KDM1B: variants seen among roughly 807,000 people sequenced by gnomAD.
KDM1B encodes lysine-specific histone demethylase 2.
In KDM1B, 63 loss-of-function variants were observed where a neutral mutation model predicts 107.4. The observed-to-expected ratio is 0.59, with a 90% CI of 0.48 to 0.72. The LOEUF (loss-of-function observed/expected upper bound fraction) is 0.72, where lower values mean the gene tolerates loss of function less well. Ranked by LOEUF, KDM1B falls within the 30% of genes least tolerant of loss-of-function variation. The pLI is 0.00. For synonymous variants in KDM1B, 363 were observed against 363.9 expected, an observed-to-expected ratio of 1.00 and a Z score of 0.03; for missense variants, 749 against 1,020.8, an observed-to-expected ratio of 0.73 and a Z score of 3.63.
Position 18,204,736 on chromosome 6 carries a change from CAG to C in KDM1B, c.1532-800_1532-799del, listed in dbSNP as rs1016729384. Among the ~76,000 whole-genome samples, 6 of 152,182 alleles carry C rather than the reference CAG, an allele frequency of 3.9e-5. No homozygotes were observed. The highest frequency in any genetic ancestry group is 4.1e-4 in the South Asian group (2 of 4,824). On this transcript the variant is annotated intron_variant, in intron 14 of 21. Coordinates refer to ENST00000650836, the MANE Select transcript of KDM1B (RefSeq NM_001364614.2). The surrounding 1 kb of genome is among the most constrained non-coding windows in gnomAD (Gnocchi z 4.9). ...GATAAGTAAGGGCTGGAGTTGATGA[CAG>C]GGAGAAATTCTGGGGGCTTGCCACG... is the stretch of plus-strand genomic sequence containing the variant.
At chr6:18,218,921 G>T (rs894898900) in intron 21 of KDM1B, among the ~76,000 whole-genome samples, 2 of 151,214 alleles carry the variant, frequency 1.3e-5, no homozygotes, top group Non-Finnish European at 1.5e-5. Flanking sequence ...TTATTTTTTT[G>T]AGACGGAGTC....
At chr6:18,182,797 C>A (rs1043351575) in intron 7 of KDM1B, among the ~76,000 whole-genome samples, 3 of 152,126 alleles carry the variant, frequency 2.0e-5, no homozygotes, top group Admixed American at 1.3e-4. Flanking sequence ...TCCCAAAGTG[C>A]TGGGATCACA....
At chr6:18,165,644 G>A (rs968803449) in intron 5 of KDM1B, among the ~76,000 whole-genome samples, 7 of 151,992 alleles carry the variant, frequency 4.6e-5, no homozygotes, top group Non-Finnish European at 8.8e-5. Context: ...CCAACATGAC[G>A]AAACCCCATC....
intron 6 of KDM1B, 53 bp from the exon 7 acceptor site, chr6:18,171,310 G>C: frequency 1.1e-6 from 1 of 895,928 alleles, no homozygotes; most frequent in Non-Finnish European, 1.9e-6. Flanking sequence ...GGATAGAAAT[G>C]GTAACTGAAG....
At chr6:18,195,689 T>G (rs1466127966) in intron 10 of KDM1B, among the ~76,000 whole-genome samples, 7 of 142,152 alleles carry the variant, frequency 4.9e-5, no homozygotes, top group African/African-American at 1.6e-4. Context: ...GAGCCGAGAT[T>G]GTGCCACTGC....
intron 21 of KDM1B, among the ~76,000 whole-genome samples, chr6:18,221,018 T>G (rs748967920): frequency 9.9e-5 from 15 of 151,912 alleles, no homozygotes; most frequent in Non-Finnish European, 2.2e-4. Flanking sequence ...GTGTTGGGAT[T>G]ACATGCGTGA....
In KDM1B at chr6:18,159,727, G is replaced by T. The variant is rs1784846434; in HGVS notation, c.-13-156G>T. 1.3e-5 allele frequency among the ~76,000 whole-genome samples: 2 copies of T among 152,140 alleles called. No homozygotes were observed. The highest frequency in any genetic ancestry group is 6.5e-5 in the Admixed American group (1 of 15,274). On this transcript the variant is annotated intron_variant, in intron 2 of 21. Coordinates refer to ENST00000650836, the MANE Select transcript of KDM1B (RefSeq NM_001364614.2). The surrounding 1 kb of genome is among the most constrained non-coding windows in gnomAD (Gnocchi z 4.5). ...GTTCCAGGCTAGCCTGGGCAACATG[G>T]CAAGAATGTCTCAAAAGAAAAGAAA...
intron 7 of KDM1B, among the ~76,000 whole-genome samples, chr6:18,183,730 A>G (rs867378903): frequency 3.3e-5 from 5 of 152,022 alleles, no homozygotes; most frequent in Non-Finnish European, 7.4e-5. Context: ...GGTTTTGGAG[A>G]TGCATCCATG....
In KDM1B at chr6:18,200,323, T is replaced by C; in HGVS notation, c.1222-116T>C. On this transcript the variant is annotated intron_variant, in intron 12 of 21. Coordinates refer to ENST00000650836, the MANE Select transcript of KDM1B (RefSeq NM_001364614.2). This position sits in a 1 kb window ranked among gnomAD's most constrained non-coding sequence, Gnocchi z 4.3. Reference sequence around the variant, plus strand: ...TTTTAAAGTTGTTTTTTTAGAAATATTTGGAATTAACCAAATATAGAGGCT... The same window carrying C: ...TTTTAAAGTTGTTTTTTTAGAAATACTTGGAATTAACCAAATATAGAGGCT... 9.5e-7 allele frequency: 1 copy of C among 1,053,608 alleles called. No individual in the cohort carries two copies. Among genetic ancestry groups the C allele is most frequent in the East Asian group, 2.5e-5 (1 of 40,192 alleles). 65.3% of individuals were successfully genotyped at this position (1,053,608 alleles called of 1,614,324 possible). A position where few individuals can be genotyped will look rare whatever the true frequency, so the allele number is the denominator to read the frequency against.
chr6:18,188,274 T>C (rs1787017224), intron 9 of KDM1B, among the ~76,000 whole-genome samples: 1 of 152,198 alleles, frequency 6.6e-6, no homozygotes, highest in Middle Eastern at 3.2e-3. Context: ...ACCTATGATA[T>C]AAAGCCCCTC....
rs1245223616 is a variant in KDM1B at position 18,200,962 on chromosome 6, CATACTT to C, written c.1359+394_1359+399del. 1.3e-5 allele frequency among the ~76,000 whole-genome samples: 2 copies of C among 152,106 alleles called. No individual in the cohort carries two copies. Among genetic ancestry groups the C allele is most frequent in the African/African-American group, 4.8e-5 (2 of 41,422 alleles). ...GATATTTTACATGCAATATTTGGGA[CATACTT>C]ATACTTAAAAAAATTATGTATTACT... On this transcript the variant is annotated intron_variant, in intron 13 of 21. Transcript: ENST00000650836. This position sits in a 1 kb window ranked among gnomAD's most constrained non-coding sequence, Gnocchi z 4.3.
intron 21 of KDM1B, among the ~76,000 whole-genome samples, chr6:18,219,180 G>A (rs1020403619): frequency 6.6e-6 from 1 of 152,174 alleles, no homozygotes; most frequent in African/African-American, 2.4e-5. Context: ...GGGATTACAG[G>A]TGTGAGCCAC....
At chr6:18,208,595 A>ATG (rs1554149784) in intron 17 of KDM1B, among the ~76,000 whole-genome samples, 1 of 56,102 alleles carries the variant, frequency 1.8e-5, no homozygotes, top group Non-Finnish European at 3.4e-5. Context: ...AAATAGAAGT[A>ATG]TGTGTATGTA....
rs1785730666 is a variant in KDM1B, at chr6:18,172,609, C to T, written c.534+1130C>T. The stretch of plus-strand genomic sequence containing the variant: ...CCAAAATCCAAAACACTTCTGGTCC[C>T]AAGCATTTCAAATAAGAGAAATTCA... On this transcript the variant is annotated intron_variant, in intron 7 of 21. Coordinates refer to ENST00000650836, the MANE Select transcript of KDM1B (RefSeq NM_001364614.2). The surrounding 1 kb of genome is among the most constrained non-coding windows in gnomAD (Gnocchi z 5.2). Among the ~76,000 whole-genome samples, 1 of 152,100 alleles carries T rather than the reference C, an allele frequency of 6.6e-6. No homozygotes were observed. The highest frequency in any genetic ancestry group is 1.5e-5 in the Non-Finnish European group (1 of 68,026).
intron 6 of KDM1B, among the ~76,000 whole-genome samples, chr6:18,170,734 C>T (rs12153968): frequency 6.6e-6 from 1 of 152,174 alleles, no homozygotes; most frequent in Non-Finnish European, 1.5e-5. Flanking sequence ...CCTGCCTCAG[C>T]CTCCTAAAGT....
rs1171066329 is a variant in KDM1B, at chr6:18,213,706, T to A, written c.2034T>A (p.Ala678=). 6.2e-7 allele frequency: 1 copy of A among 1,614,182 alleles called. No homozygotes were observed. ...YRFWDSKVQG[A]DFFGHVPPSA... is the part of the protein sequence containing the mutation. ...TTTGGGACAGTAAAGTACAAGGGGC[T>A]GACTTTTTTGGTCACGTTCCTCCCA... is the stretch of plus-strand genomic sequence containing the variant. The change falls in exon 19 of 22, where the codon GCT becomes GCA. Residue 678 remains alanine, a synonymous_variant. Coordinates refer to ENST00000650836, the MANE Select transcript of KDM1B (RefSeq NM_001364614.2). The surrounding 1 kb of genome is among the most constrained non-coding windows in gnomAD (Gnocchi z 5.9).
chr6:18,199,400 C>T (rs1787887135), intron 12 of KDM1B, among the ~76,000 whole-genome samples: 1 of 152,200 alleles, frequency 6.6e-6, no homozygotes. Flanking sequence ...ATAGATTCCT[C>T]TGAGTAGCCT....
At chr6:18,166,419 A>G (rs1326015921) in intron 6 of KDM1B, 41 bp downstream of exon 6, 2 of 1,156,176 alleles carry the variant, frequency 1.7e-6, no homozygotes, top group African/African-American at 1.5e-5. Context: ...GTATTTGTGG[A>G]GCCAAATGCA....
In KDM1B at chr6:18,213,418, A is replaced by G. The variant is rs918988625; in HGVS notation, c.1984-238A>G. Among the ~76,000 whole-genome samples, 1 of 151,586 alleles carries G rather than the reference A, an allele frequency of 6.6e-6. No homozygotes were observed. The highest frequency in any genetic ancestry group is 6.6e-5 in the Admixed American group (1 of 15,208). On this transcript the variant is annotated intron_variant, in intron 18 of 21. Coordinates refer to ENST00000650836, the MANE Select transcript of KDM1B (RefSeq NM_001364614.2). The surrounding 1 kb of genome is among the most constrained non-coding windows in gnomAD (Gnocchi z 5.9). Reference sequence around the variant, plus strand: ...TCCATTGCACTCCCAGCTGGGCAACAAGAGCGAAACTCCGTCTCAAAAAAA... The same window carrying G: ...TCCATTGCACTCCCAGCTGGGCAACGAGAGCGAAACTCCGTCTCAAAAAAA...
Sources: allele counts gnomAD v4.1 joint callset (sites outside exome capture counted in the v4.1 genomes callset), GRCh38; gene constraint gnomAD v4.1.1; non-coding constraint Gnocchi (gnomAD v3.1); transcripts MANE v1.5; gene names NCBI Gene and HGNC (gene_info 2026-07-23, HGNC 2026-07-21).